LINGO1: variants seen among roughly 807,000 people sequenced by gnomAD.
The protein encoded by LINGO1 is leucine-rich repeat and immunoglobulin-like domain-containing nogo receptor-interacting protein 1.
Under a neutral mutation model 37.3 loss-of-function variants are expected in LINGO1, and 11 were observed. That is an observed-to-expected ratio of 0.29 (90% CI 0.19 to 0.49). LINGO1 has a LOEUF of 0.49. Among genes scored for constraint, LINGO1 ranks in the 20% least tolerant of loss-of-function variants. The pLI is 0.99. For missense variants in LINGO1, 585 were observed against 878.2 expected, an observed-to-expected ratio of 0.67 and a Z score of 4.22; for synonymous variants, 387 against 403.0, an observed-to-expected ratio of 0.96 and a Z score of 0.48.
chr15:77,722,922 A>G (rs1567547671), intron 2 of LINGO1, among the ~76,000 whole-genome samples: 1 of 152,166 alleles, frequency 6.6e-6, no homozygotes, highest in Non-Finnish European at 1.5e-5. Flanking sequence ...TGTGGAAAGC[A>G]CCAGCAGGGC....
chr15:77,793,613 T>C (rs2141448741), intron 2 of LINGO1, among the ~76,000 whole-genome samples: 1 of 152,340 alleles, frequency 6.6e-6, no homozygotes, highest in South Asian at 2.1e-4. Flanking sequence ...GCATTATTTA[T>C]AATGACAGAA....
At chr15:77,720,371 C>T (rs8027667) in intron 2 of LINGO1, among the ~76,000 whole-genome samples, 70,837 of 151,924 alleles carry the variant, frequency 0.47, 16,980 homozygotes, top group Admixed American at 0.59. Context: ...CACGCACCTG[C>T]CCCTCTGCCT....
chr15:77,720,939 C>T (rs2076043544), intron 2 of LINGO1, among the ~76,000 whole-genome samples: 1 of 152,046 alleles, frequency 6.6e-6, no homozygotes, highest in Admixed American at 6.5e-5. Context: ...ACTGTCCCTC[C>T]CAGACACCTT....
chr15:77,720,232 C>T (rs931336401), intron 2 of LINGO1, among the ~76,000 whole-genome samples: 8 of 135,364 alleles, frequency 5.9e-5, no homozygotes, highest in African/African-American at 9.9e-5. Context: ...CGTTAATTAT[C>T]TCCATGCTGT....
intron 1 of LINGO1, among the ~76,000 whole-genome samples, chr15:77,749,963 G>A (rs1454196345): frequency 6.6e-6 from 1 of 152,054 alleles, no homozygotes; most frequent in African/African-American, 2.4e-5. Context: ...GGGGTGGGGA[G>A]TGGGTGATAG....
intron 2 of LINGO1, among the ~76,000 whole-genome samples, chr15:77,686,463 T>C (rs2075513061): frequency 6.6e-6 from 1 of 152,218 alleles, no homozygotes; most frequent in Non-Finnish European, 1.5e-5. Context: ...ATGCCCAGCC[T>C]GGCTACTTCA....
intron 1 of LINGO1, among the ~76,000 whole-genome samples, chr15:77,740,552 G>A (rs925518209): frequency 6.6e-6 from 1 of 152,106 alleles, no homozygotes; most frequent in African/African-American, 2.4e-5. Context: ...TCACGCTGTG[G>A]GGCCTCTGCA....
chr15:77,780,348 C>G (rs564389773), intron 1 of LINGO1, among the ~76,000 whole-genome samples: 1 of 152,050 alleles, frequency 6.6e-6, no homozygotes, highest in African/African-American at 2.4e-5. Context: ...ATGGCCAACA[C>G]GCAGCCTAGG....
At chr15:77,659,155 G>A (rs76128408) in intron 3 of LINGO1, among the ~76,000 whole-genome samples, 4,929 of 152,224 alleles carry the variant, frequency 0.032, 266 homozygotes, top group African/African-American at 0.11. Flanking sequence ...CCACTGAAGC[G>A]TATAAGCAGG....
At chr15:77,660,178 C>T (rs2074957771) in intron 3 of LINGO1, 1 of 152,284 alleles carries the variant, frequency 6.6e-6, no homozygotes, top group East Asian at 1.9e-4. Flanking sequence ...TCGTTTGAGG[C>T]TCATGGTAAA....
At chr15:77,744,677 C>T (rs577195767) in intron 1 of LINGO1, among the ~76,000 whole-genome samples, 15 of 152,336 alleles carry the variant, frequency 9.8e-5, no homozygotes, top group African/African-American at 3.6e-4. Flanking sequence ...TCAGTATTCC[C>T]CTTTTCAGAG....
At chr15:77,629,387 C>G (rs2074187356) in intron 1 of LINGO1, among the ~76,000 whole-genome samples, 1 of 152,316 alleles carries the variant, frequency 6.6e-6, no homozygotes, top group East Asian at 1.9e-4. Context: ...AACCTGCCTT[C>G]TCACACTCTT....
chr15:77,817,770 G>A (rs1209792116), intron 1 of LINGO1, among the ~76,000 whole-genome samples: 2 of 152,136 alleles, frequency 1.3e-5, no homozygotes, highest in African/African-American at 4.8e-5. Flanking sequence ...CCCTCGCAGT[G>A]GAAAAGGGCT....
intron 2 of LINGO1, among the ~76,000 whole-genome samples, chr15:77,731,982 C>T (rs989123982): frequency 6.6e-6 from 1 of 152,216 alleles, no homozygotes; most frequent in East Asian, 1.9e-4. Flanking sequence ...TGAACTGGCT[C>T]TGCTGCCCAC....
intron 1 of LINGO1, among the ~76,000 whole-genome samples, chr15:77,785,492 C>T (rs541233291): frequency 8.5e-4 from 130 of 152,236 alleles, no homozygotes; most frequent in African/African-American, 2.9e-3. Flanking sequence ...AGGCTGTGTC[C>T]CAGGACCGTG....
At chr15:77,782,086 TG>T (rs1295271029) in intron 1 of LINGO1, among the ~76,000 whole-genome samples, 4 of 152,228 alleles carry the variant, frequency 2.6e-5, no homozygotes, top group Non-Finnish European at 5.9e-5. Flanking sequence ...AATTTGCTCC[TG>T]GGGAAAATTA....
intron 1 of LINGO1, among the ~76,000 whole-genome samples, chr15:77,799,204 C>T (rs1320039728): frequency 2.0e-5 from 3 of 152,176 alleles, no homozygotes; most frequent in Admixed American, 6.5e-5. Context: ...AAGTACCTAC[C>T]ATGTGTTTGG....
intron 1 of LINGO1, among the ~76,000 whole-genome samples, chr15:77,622,072 C>T (rs2073939944): frequency 1.3e-5 from 2 of 152,124 alleles, no homozygotes; most frequent in South Asian, 2.1e-4. Context: ...CCGCCGTGCC[C>T]GTGACTGATT....
At chr15:77,756,485 GACACACACACAC>G (rs35031617) in intron 1 of LINGO1, among the ~76,000 whole-genome samples, 106 of 140,792 alleles carry the variant, frequency 7.5e-4, no homozygotes, top group African/African-American at 2.7e-3. Context: ...CAGACAGACA[GACACACACACAC>G]ACACACACAC....
Sources: gnomAD v4.1 joint callset for allele counts (sites outside exome capture counted in the v4.1 genomes callset) on GRCh38, gnomAD v4.1.1 for gene constraint, MANE v1.5 for transcripts, NCBI Gene and HGNC (gene_info 2026-07-23, HGNC 2026-07-21) for gene names.